Variants in GULP1 observed in about 807,000 individuals in gnomAD.
GULP1 encodes the protein PTB domain-containing engulfment adapter protein 1.
GULP1 carries 19 observed loss-of-function variants against 40.9 expected under a neutral mutation model. The ratio of observed to expected loss-of-function variants is 0.46; its 90% confidence interval spans 0.32 to 0.68. GULP1 has a LOEUF of 0.68. Ranked by LOEUF, GULP1 falls within the 30% of genes least tolerant of loss-of-function variation. The probability of loss-of-function intolerance (pLI) is 0.03; values close to 1 mark genes in which losing one functional copy is unlikely to be tolerated. For missense variants in GULP1, 312 were observed against 362.2 expected, an observed-to-expected ratio of 0.86 and a Z score of 1.12; for synonymous variants, 119 against 117.6, an observed-to-expected ratio of 1.01 and a Z score of -0.08.
chr2:188,356,142 C>T (rs557150509), intron 1 of GULP1, among the ~76,000 whole-genome samples: 10 of 151,958 alleles, frequency 6.6e-5, no homozygotes, highest in East Asian at 1.9e-4. Context: ...CAAAGATGTC[C>T]GTTTTCATCA....
chr2:188,507,044 A>G (rs138616032), intron 4 of GULP1, among the ~76,000 whole-genome samples: 898 of 152,038 alleles, frequency 5.9e-3, no homozygotes, highest in Middle Eastern at 0.02. Flanking sequence ...GGCTTTTGCC[A>G]GACCATCCAC....
intron 4 of GULP1, among the ~76,000 whole-genome samples, chr2:188,505,986 A>G (rs2063869464): frequency 6.6e-6 from 1 of 151,976 alleles, no homozygotes; most frequent in South Asian, 2.1e-4. Flanking sequence ...CAGTTACACT[A>G]CTTAACAGAT....
At chr2:188,569,748 C>T (rs1329819645) in intron 8 of GULP1, 2 of 351,006 alleles carry the variant, frequency 5.7e-6, no homozygotes, top group Non-Finnish European at 1.0e-5. Context: ...TGGTTATATT[C>T]CAAGATTATG....
intron 1 of GULP1, among the ~76,000 whole-genome samples, chr2:188,350,858 A>G (rs1190329110): frequency 6.6e-6 from 1 of 152,136 alleles, no homozygotes; most frequent in Non-Finnish European, 1.5e-5. Flanking sequence ...TGAATGCAAC[A>G]TTATTTCCAG....
intron 2 of GULP1, chr2:188,466,504 G>A (rs531642020): frequency 6.7e-6 from 1 of 149,902 alleles, no homozygotes; most frequent in South Asian, 2.1e-4. Context: ...TGTTAACCAG[G>A]ATGGTCTCGA....
At chr2:188,503,415 GGAGA>G (rs1457235504) in intron 4 of GULP1, among the ~76,000 whole-genome samples, 1 of 151,492 alleles carries the variant, frequency 6.6e-6, no homozygotes, top group Non-Finnish European at 1.5e-5. Flanking sequence ...GAAGGTGGCA[GGAGA>G]GAGAGAGAGC....
chr2:188,399,069 A>G (rs949491561), intron 2 of GULP1, among the ~76,000 whole-genome samples: 2 of 152,262 alleles, frequency 1.3e-5, no homozygotes, highest in African/African-American at 2.4e-5. Context: ...AATCTGTGCT[A>G]TGTACTAATC....
intron 9 of GULP1, among the ~76,000 whole-genome samples, chr2:188,578,593 T>C (rs1428157731): frequency 6.6e-6 from 1 of 151,852 alleles, no homozygotes; most frequent in Non-Finnish European, 1.5e-5. Context: ...ATCTCAAACA[T>C]GGACACTCAT....
chr2:188,571,174 A>C (rs901157509), intron 9 of GULP1, among the ~76,000 whole-genome samples: 1 of 152,134 alleles, frequency 6.6e-6, no homozygotes, highest in South Asian at 2.1e-4. Context: ...ATTAATATCT[A>C]ACTTATAACA....
chr2:188,396,215 G>A (rs746942573), intron 2 of GULP1, among the ~76,000 whole-genome samples: 1 of 152,178 alleles, frequency 6.6e-6, no homozygotes, highest in Non-Finnish European at 1.5e-5. Context: ...GCAATTGGTG[G>A]GGTCATAGAA....
intron 1 of GULP1, among the ~76,000 whole-genome samples, chr2:188,329,432 A>G (rs1027894647): frequency 1.3e-5 from 2 of 152,138 alleles, no homozygotes; most frequent in African/African-American, 4.8e-5. Context: ...TGAAGAAAAA[A>G]GCCATGGAGG....
chr2:188,437,888 G>A (rs920257100), intron 2 of GULP1, among the ~76,000 whole-genome samples: 12 of 151,918 alleles, frequency 7.9e-5, no homozygotes, highest in Non-Finnish European at 1.2e-4. Context: ...CTCATGACAC[G>A]AAGAGGGGAA....
chr2:188,522,853 A>G (rs372201884), intron 5 of GULP1, 26 bp downstream of exon 5: 32 of 1,379,778 alleles, frequency 2.3e-5, no homozygotes, highest in Non-Finnish European at 3.1e-5. Context: ...CAAATAAATT[A>G]CAAGTGTATT....
chr2:188,353,689 A>G (rs1221521115), intron 1 of GULP1, among the ~76,000 whole-genome samples: 2 of 151,694 alleles, frequency 1.3e-5, no homozygotes, highest in African/African-American at 2.4e-5. Flanking sequence ...CAGAGTAGGT[A>G]TGCTTCCCTC....
chr2:188,358,705 A>C (rs1042164434), intron 1 of GULP1, among the ~76,000 whole-genome samples: 1 of 152,174 alleles, frequency 6.6e-6, no homozygotes, highest in Non-Finnish European at 1.5e-5. Context: ...TTGGAATAAG[A>C]TTTACACAGT....
chr2:188,371,950 T>C (rs1327255318), intron 1 of GULP1, among the ~76,000 whole-genome samples: 1 of 152,096 alleles, frequency 6.6e-6, no homozygotes, highest in African/African-American at 2.4e-5. Flanking sequence ...CTGAACGAGC[T>C]TTCAGTCAGG....
At chr2:188,579,052 C>G (rs1700748202) in intron 9 of GULP1, among the ~76,000 whole-genome samples, 1 of 152,028 alleles carries the variant, frequency 6.6e-6, no homozygotes, top group Non-Finnish European at 1.5e-5. Flanking sequence ...GAATCAAGCA[C>G]CAAATTTATC....
At chr2:188,567,478 G>A (rs1257596344) in intron 7 of GULP1, among the ~76,000 whole-genome samples, 1 of 152,156 alleles carries the variant, frequency 6.6e-6, no homozygotes, top group Admixed American at 6.5e-5. Context: ...ATGAGATAAT[G>A]TCCTTTGCAG....
intron 4 of GULP1, among the ~76,000 whole-genome samples, chr2:188,509,227 C>T (rs962757610): frequency 3.9e-5 from 6 of 151,958 alleles, no homozygotes; most frequent in African/African-American, 1.5e-4. Flanking sequence ...AGGAGGCCAC[C>T]GACATTAAGC....
Sources: allele counts gnomAD v4.1 joint callset (sites outside exome capture counted in the v4.1 genomes callset), GRCh38; gene constraint gnomAD v4.1.1; transcripts MANE v1.5; gene names NCBI Gene and HGNC (gene_info 2026-07-23, HGNC 2026-07-21).